CENPQ: variants seen among roughly 807,000 people sequenced by gnomAD.
The protein encoded by CENPQ is chromosome 6 open reading frame 139.
Under a neutral mutation model 36.6 loss-of-function variants are expected in CENPQ, and 27 were observed. The ratio of observed to expected loss-of-function variants is 0.74; its 90% confidence interval spans 0.54 to 1.02. The LOEUF (loss-of-function observed/expected upper bound fraction) is 1.02, where lower values mean the gene tolerates loss of function less well. CENPQ is among the 50% of genes least tolerant of loss of function. The pLI is 0.00. For missense variants in CENPQ, 306 were observed against 301.8 expected (o/e 1.01, Z -0.10); for synonymous variants, 101 against 101.7 (o/e 0.99, Z 0.04).
intron 5 of CENPQ, among the ~76,000 whole-genome samples, chr6:49,479,938 A>G (rs751175450): frequency 2.0e-5 from 3 of 152,136 alleles, no homozygotes; most frequent in Non-Finnish European, 4.4e-5. Context: ...GACACAAAGA[A>G]GGGAACAAAG....
Position 49,470,253 on chromosome 6 carries a change from A to C in CENPQ, c.77A>C (p.Glu26Ala). Residue 26 changes from glutamate (E) to alanine (A), a missense_variant, in exon 2 of 9, where the codon GAG becomes GCG. Coordinates refer to ENST00000335783, the MANE Select transcript of CENPQ (RefSeq NM_018132.4). ...AATCCAAAGAGAAAAAAGGATAATG[A>C]GGAAGTTGTGTTGTCAGAGAATAAG... ...KRNPKRKKDN[E>A]EVVLSENKVR... 6.2e-7 allele frequency: 1 copy of C among 1,603,684 alleles called. No homozygotes were observed. The highest frequency in any genetic ancestry group is 1.7e-4 in the Middle Eastern group (1 of 5,880).
At position 49,472,775 on chromosome 6, in the gene CENPQ, T is replaced by C. The variant is rs1253041784; in HGVS notation, c.279-15T>C. On this transcript the variant is annotated splice_polypyrimidine_tract_variant and intron_variant, in intron 4 of 8. Coordinates refer to ENST00000335783, the MANE Select transcript of CENPQ (RefSeq NM_018132.4). ...CATCAGACTACTATTTATTCCATCT[T>C]TTTTTCTTTTCTAGGACAATTTTGA... is the stretch of plus-strand genomic sequence containing the variant. 8.4e-6 allele frequency: 12 copies of C among 1,422,684 alleles called. No individual in the cohort carries two copies. Among genetic ancestry groups the C allele is most frequent in the Non-Finnish European group, 1.1e-5 (12 of 1,061,490 alleles). 88.1% of individuals were successfully genotyped at this position (1,422,684 alleles called of 1,614,324 possible). A position where few individuals can be genotyped will look rare whatever the true frequency, so the allele number is the denominator to read the frequency against.
chr6:49,488,291 ATTAGGAT>A, intron 6 of CENPQ, 54 bp from the exon 7 acceptor site: 1 of 1,300,772 alleles, frequency 7.7e-7, no homozygotes, highest in Non-Finnish European at 1.1e-6. Context: ...AACAATATCT[ATTAGGAT>A]TTAATATAAT....
chr6:49,482,622 C>T (rs1216295437), intron 6 of CENPQ, among the ~76,000 whole-genome samples: 2 of 150,282 alleles, frequency 1.3e-5, no homozygotes, highest in African/African-American at 2.4e-5. Context: ...TTGATGGCCT[C>T]GATTTACTCA....
chr6:49,483,012 G>A (rs539759204), intron 6 of CENPQ, among the ~76,000 whole-genome samples: 4 of 152,234 alleles, frequency 2.6e-5, no homozygotes, highest in East Asian at 1.9e-4. Flanking sequence ...GGACCCAAGC[G>A]GGTTGCCACT....
intron 6 of CENPQ, 142 bp downstream of exon 6, chr6:49,481,222 T>G: frequency 5.3e-6 from 4 of 755,586 alleles, no homozygotes; most frequent in Non-Finnish European, 7.8e-6. Context: ...GTTTTTTTGT[T>G]GTTGTTTTCA....
At chr6:49,467,746 T>G (rs1048710104) in intron 1 of CENPQ, among the ~76,000 whole-genome samples, 3 of 152,068 alleles carry the variant, frequency 2.0e-5, no homozygotes, top group Non-Finnish European at 2.9e-5. Context: ...AAGCTATAAA[T>G]AAGTACCAAA....
intron 5 of CENPQ, among the ~76,000 whole-genome samples, chr6:49,476,125 A>C (rs1768283103): frequency 6.6e-6 from 1 of 152,176 alleles, no homozygotes; most frequent in Admixed American, 6.5e-5. Context: ...AGACAATCCT[A>C]AGCAAAAAGA....
chr6:49,476,047 C>A (rs2127425232), intron 5 of CENPQ, among the ~76,000 whole-genome samples: 1 of 152,070 alleles, frequency 6.6e-6, no homozygotes, highest in East Asian at 1.9e-4. Context: ...CTACCAATGA[C>A]TTTCTTCACA....
chr6:49,486,791 A>G (rs1262505652), intron 6 of CENPQ, among the ~76,000 whole-genome samples: 6 of 152,068 alleles, frequency 3.9e-5, no homozygotes, highest in Non-Finnish European at 8.8e-5. Flanking sequence ...AAATGATAGG[A>G]TATCTAGGAT....
At chr6:49,486,659 A>G (rs1768587179) in intron 6 of CENPQ, among the ~76,000 whole-genome samples, 1 of 152,218 alleles carries the variant, frequency 6.6e-6, no homozygotes, top group African/African-American at 2.4e-5. Flanking sequence ...TGAAAATGTG[A>G]ACACTAACCA....
intron 5 of CENPQ, among the ~76,000 whole-genome samples, chr6:49,474,564 AG>A (rs1235499108): frequency 6.6e-6 from 1 of 152,182 alleles, no homozygotes; most frequent in African/African-American, 2.4e-5. Context: ...AAGAGAAAGC[AG>A]GAAAAATTGA....
At chr6:49,473,502 A>G (rs956414334) in intron 5 of CENPQ, among the ~76,000 whole-genome samples, 1 of 152,192 alleles carries the variant, frequency 6.6e-6, no homozygotes, top group African/African-American at 2.4e-5. Flanking sequence ...GCCTGCCCTA[A>G]AAGAGCTTCT....
intron 1 of CENPQ, among the ~76,000 whole-genome samples, chr6:49,468,315 G>A (rs922408992): frequency 1.3e-5 from 2 of 152,028 alleles, no homozygotes; most frequent in African/African-American, 2.4e-5. Context: ...AGTGTTGGCC[G>A]GGCTCAGTGG....
intron 6 of CENPQ, among the ~76,000 whole-genome samples, chr6:49,485,402 C>G (rs1768552235): frequency 6.6e-6 from 1 of 152,112 alleles, no homozygotes; most frequent in African/African-American, 2.4e-5. Flanking sequence ...CTCCCTTGAT[C>G]TTGTCATAAA....
chr6:49,492,675 C>CATTCTG lies in CENPQ; in HGVS notation c.*401_*406dup, dbSNP rs936417159. 1 of 152,920 alleles carries CATTCTG rather than the reference C, an allele frequency of 6.5e-6. No homozygotes were observed. Among genetic ancestry groups the CATTCTG allele is most frequent in the African/African-American group, 2.4e-5 (1 of 41,468 alleles). 9.5% of individuals were successfully genotyped at this position (152,920 alleles called of 1,614,324 possible). On this transcript the variant is annotated 3_prime_UTR_variant, in exon 9 of 9. Transcript: ENST00000335783. ...AAAAACCTTAGTGTTTGCTATCATT[C>CATTCTG]ATTCTGTAGCCAATGGCTTACAGTT...
At chr6:49,491,224 A>T (rs1234366715) in intron 8 of CENPQ, among the ~76,000 whole-genome samples, 1 of 152,228 alleles carries the variant, frequency 6.6e-6, no homozygotes, top group East Asian at 1.9e-4. Flanking sequence ...CTGTTTGGCA[A>T]ATTACTTTTC....
At chr6:49,463,516 A>C (rs1164636080) in intron 1 of CENPQ, 63 bp downstream of exon 1, 2 of 152,204 alleles carry the variant, frequency 1.3e-5, no homozygotes, top group South Asian at 4.2e-4. Context: ...TTTTAAAGCC[A>C]ACGCGTTTGT....
At chr6:49,467,012 G>A (rs568088733) in intron 1 of CENPQ, among the ~76,000 whole-genome samples, 1 of 152,128 alleles carries the variant, frequency 6.6e-6, no homozygotes, top group Non-Finnish European at 1.5e-5. Flanking sequence ...CTACTCAGGG[G>A]TTGGAAGTAT....
Sources: gnomAD v4.1 joint callset for allele counts (sites outside exome capture counted in the v4.1 genomes callset) on GRCh38, gnomAD v4.1.1 for gene constraint, MANE v1.5 for transcripts, NCBI Gene and HGNC (gene_info 2026-07-23, HGNC 2026-07-21) for gene names.